PLPPR5: variants seen among roughly 807,000 people sequenced by gnomAD.
The protein encoded by PLPPR5 is phospholipid phosphatase-related protein type 5.
In PLPPR5, 16 loss-of-function variants were observed where a neutral mutation model predicts 33.9. That is an observed-to-expected ratio of 0.47 (90% CI 0.32 to 0.72). PLPPR5 has a LOEUF of 0.72. Ranked by LOEUF, PLPPR5 falls within the 30% of genes least tolerant of loss-of-function variation. The pLI is 0.03. For synonymous variants in PLPPR5, 163 were observed against 150.3 expected, an observed-to-expected ratio of 1.08 and a Z score of -0.62; for missense variants, 301 against 406.7, an observed-to-expected ratio of 0.74 and a Z score of 2.23.
intron 5 of PLPPR5, 82 bp downstream of exon 5, chr1:98,914,704 T>C: frequency 1.6e-6 from 2 of 1,261,956 alleles, no homozygotes; most frequent in Non-Finnish European, 2.2e-6. Context: ...ATAAACTGTG[T>C]GGACATGCTC....
At chr1:98,932,520 G>A (rs1315325409) in intron 3 of PLPPR5, among the ~76,000 whole-genome samples, 4 of 152,130 alleles carry the variant, frequency 2.6e-5, no homozygotes, top group Admixed American at 2.6e-4. Flanking sequence ...TATACAAAAT[G>A]TACAGCAACT....
intron 1 of PLPPR5, among the ~76,000 whole-genome samples, chr1:98,990,144 G>A (rs1041616991): frequency 2.0e-5 from 3 of 152,122 alleles, no homozygotes; most frequent in Non-Finnish European, 4.4e-5. Flanking sequence ...CAAGGTGGGT[G>A]GATTACCTGA....
At chr1:98,999,644 G>A (rs1652753915) in intron 1 of PLPPR5, among the ~76,000 whole-genome samples, 1 of 152,246 alleles carries the variant, frequency 6.6e-6, no homozygotes, top group South Asian at 2.1e-4. Flanking sequence ...GGGATGGGCA[G>A]TGATGCCCAA....
At chr1:98,925,541 T>C (rs1350545117) in intron 3 of PLPPR5, among the ~76,000 whole-genome samples, 2 of 152,238 alleles carry the variant, frequency 1.3e-5, no homozygotes, top group African/African-American at 4.8e-5. Context: ...TTTTGCTTAC[T>C]TGTTTGCTTT....
At chr1:98,946,711 C>T (rs1230945633) in intron 3 of PLPPR5, among the ~76,000 whole-genome samples, 1 of 152,144 alleles carries the variant, frequency 6.6e-6, no homozygotes, top group Non-Finnish European at 1.5e-5. Context: ...GATACTCTTA[C>T]AATCATATTC....
chr1:98,892,960 A>C lies in PLPPR5; in HGVS notation c.*112T>G. ...TGACATTGATTTTAAAATTATAAAA[A>C]TTATTAAACAACTTTATAAACTTCA... is the stretch of plus-strand genomic sequence containing the variant. On this transcript the variant is annotated 3_prime_UTR_variant, in exon 6 of 6. Coordinates refer to ENST00000263177, the MANE Select transcript of PLPPR5 (RefSeq NM_001037317.2). 9.5e-7 allele frequency: 1 copy of C among 1,055,554 alleles called. No individual in the cohort carries two copies. The highest frequency in any genetic ancestry group is 1.7e-5 in the African/African-American group (1 of 60,264). The allele number at this position is 1,055,554 out of a possible 1,614,324, so 65.4% of individuals were successfully genotyped here.
intron 1 of PLPPR5, among the ~76,000 whole-genome samples, chr1:98,976,649 G>A (rs549986652): frequency 3.3e-5 from 5 of 152,118 alleles, no homozygotes; most frequent in East Asian, 1.9e-4. Context: ...GAGGTGTGCT[G>A]TAAGTGCAAA....
chr1:98,915,034 TG>T, intron 4 of PLPPR5, 114 bp from the exon 5 acceptor site: 1 of 891,532 alleles, frequency 1.1e-6, no homozygotes, highest in Non-Finnish European at 1.7e-6. Context: ...ATTACTTAAA[TG>T]TTACACGTAT....
At chr1:98,997,955 AG>A (rs752924756) in intron 1 of PLPPR5, among the ~76,000 whole-genome samples, 1 of 152,216 alleles carries the variant, frequency 6.6e-6, no homozygotes, top group Non-Finnish European at 1.5e-5. Flanking sequence ...AGGGAGAGAC[AG>A]GAACAGGAAA....
chr1:98,937,437 A>G (rs1650210297), intron 3 of PLPPR5, among the ~76,000 whole-genome samples: 1 of 152,160 alleles, frequency 6.6e-6, no homozygotes, highest in South Asian at 2.1e-4. Context: ...TAGATGTGAC[A>G]CTATGAGCTC....
chr1:99,000,802 C>T (rs539997289), intron 1 of PLPPR5, among the ~76,000 whole-genome samples: 38 of 152,158 alleles, frequency 2.5e-4, no homozygotes, highest in South Asian at 4.2e-4. Context: ...TTATGATCTG[C>T]GGTATGTTTA....
chr1:98,925,481 T>C (rs890536200), intron 3 of PLPPR5, among the ~76,000 whole-genome samples: 2 of 152,236 alleles, frequency 1.3e-5, no homozygotes, highest in African/African-American at 4.8e-5. Flanking sequence ...CTACACTTTT[T>C]CTCTTTGCTT....
chr1:98,915,125 T>C (rs1039334389), intron 4 of PLPPR5, among the ~76,000 whole-genome samples: 2 of 152,214 alleles, frequency 1.3e-5, no homozygotes, highest in Non-Finnish European at 2.9e-5. Flanking sequence ...CCAATGCAGA[T>C]ATGTTTAAGA....
At chr1:98,912,591 T>C (rs1006257058) in intron 5 of PLPPR5, among the ~76,000 whole-genome samples, 31 of 152,282 alleles carry the variant, frequency 2.0e-4, no homozygotes, top group African/African-American at 7.2e-4. Context: ...TTGTCTAAAC[T>C]TGGTCTCATG....
chr1:98,999,982 T>C (rs947977847), intron 1 of PLPPR5, among the ~76,000 whole-genome samples: 1 of 152,188 alleles, frequency 6.6e-6, no homozygotes, highest in East Asian at 1.9e-4. Context: ...TTCATTTCCT[T>C]TAAATCATCT....
In PLPPR5 at chr1:99,004,686, C is replaced by A. The variant is rs1243651452; in HGVS notation, c.-15G>T. On this transcript the variant is annotated 5_prime_UTR_variant, in exon 1 of 6. Transcript: ENST00000263177. ...AGCAGGGGCATGCACGCCTCCCGGG[C>A]CGGGCCGAGCCGAGCCGAGCGGGCG... 1.9e-6 allele frequency: 3 copies of A among 1,541,730 alleles called. No individual in the cohort carries two copies. The highest frequency in any genetic ancestry group is 2.6e-6 in the Non-Finnish European group (3 of 1,142,664).
At chr1:98,900,284 C>T (rs573761646) in intron 5 of PLPPR5, among the ~76,000 whole-genome samples, 2 of 152,232 alleles carry the variant, frequency 1.3e-5, no homozygotes, top group African/African-American at 2.4e-5. Flanking sequence ...AAAACCGTTG[C>T]GTGAGCTGGA....
intron 5 of PLPPR5, among the ~76,000 whole-genome samples, chr1:98,900,171 G>A (rs771419337): frequency 2.6e-5 from 4 of 151,990 alleles, no homozygotes; most frequent in African/African-American, 4.8e-5. Flanking sequence ...TATGAATTCC[G>A]CTTCTTTTTC....
chr1:98,949,944 A>G (rs983453697), intron 3 of PLPPR5, among the ~76,000 whole-genome samples: 5 of 152,226 alleles, frequency 3.3e-5, no homozygotes. Flanking sequence ...AATGTTTAAC[A>G]GTACAACACT....
Sources: gnomAD v4.1 joint callset for allele counts (sites outside exome capture counted in the v4.1 genomes callset) on GRCh38, gnomAD v4.1.1 for gene constraint, MANE v1.5 for transcripts, NCBI Gene and HGNC (gene_info 2026-07-23, HGNC 2026-07-21) for gene names.